HTR1F: variants seen among roughly 807,000 people sequenced by gnomAD.
The protein encoded by HTR1F is 5-hydroxytryptamine receptor 1F, also known as 5-hydroxytryptamine (serotonin) receptor 1F, G protein-coupled.
In HTR1F, 17 loss-of-function variants were observed where a neutral mutation model predicts 24.0. The ratio of observed to expected loss-of-function variants is 0.71; its 90% confidence interval spans 0.48 to 1.06. The LOEUF (loss-of-function observed/expected upper bound fraction) is 1.06, where lower values mean the gene tolerates loss of function less well. Ranked by LOEUF, HTR1F falls within the 50% of genes least tolerant of loss-of-function variation. The probability of loss-of-function intolerance (pLI) is 0.00; values close to 1 mark genes in which losing one functional copy is unlikely to be tolerated. For synonymous variants in HTR1F, 186 were observed against 156.8 expected (o/e 1.19, Z -1.39); for missense variants, 391 against 427.8 (o/e 0.91, Z 0.76).
rs183029347 is a variant in HTR1F at position 87,895,225 on chromosome 3, A to G, written c.-43+73101A>G. Among the ~76,000 whole-genome samples the G allele has an allele frequency of 3.3e-5, 5 of 152,302 alleles. No homozygotes were observed. The East Asian group carries it at 9.6e-4, about 29-fold the overall frequency. ...ATCCCCTATCTCATGAATTCTTGTGAAAACTAGATGAAATAATATGTGTGT... is the reference window on the plus strand; with the variant it reads ...ATCCCCTATCTCATGAATTCTTGTGGAAACTAGATGAAATAATATGTGTGT... On this transcript the variant is annotated intron_variant, in intron 2 of 2. Transcript: ENST00000319595.
intron 1 of HTR1F, among the ~76,000 whole-genome samples, chr3:87,798,534 C>A (rs1282938819): frequency 6.6e-6 from 1 of 151,966 alleles, no homozygotes; most frequent in Admixed American, 6.6e-5. Context: ...ATGACCCTGA[C>A]CCCCCTCCAC....
At chr3:87,906,083 T>C (rs1703661581) in intron 2 of HTR1F, among the ~76,000 whole-genome samples, 1 of 151,990 alleles carries the variant, frequency 6.6e-6, no homozygotes. Context: ...TATTTTACAG[T>C]AAAAAGAGAA....
intron 2 of HTR1F, among the ~76,000 whole-genome samples, chr3:87,832,965 G>A (rs531854731): frequency 2.0e-5 from 3 of 152,164 alleles, no homozygotes; most frequent in Non-Finnish European, 4.4e-5. Flanking sequence ...CAGGACTTAC[G>A]TGTCTGGAAA....
chr3:87,796,981 A>G (rs764342634), intron 1 of HTR1F, among the ~76,000 whole-genome samples: 13 of 152,218 alleles, frequency 8.5e-5, no homozygotes, highest in African/African-American at 1.9e-4. Context: ...AATAATCTAT[A>G]TATAGTAGTC....
At chr3:87,880,623 C>A (rs1705770377) in intron 2 of HTR1F, among the ~76,000 whole-genome samples, 1 of 148,716 alleles carries the variant, frequency 6.7e-6, no homozygotes, top group Non-Finnish European at 1.5e-5. Context: ...AATTGTTCAG[C>A]TACAAAATGT....
chr3:87,983,101 A>C (rs117340920), intron 2 of HTR1F, among the ~76,000 whole-genome samples: 2 of 152,302 alleles, frequency 1.3e-5, no homozygotes, highest in East Asian at 3.9e-4. Flanking sequence ...CTAAGAAAGA[A>C]TAGGTCAGAC....
chr3:87,819,981 C>T (rs1453246060), intron 1 of HTR1F, among the ~76,000 whole-genome samples: 1 of 151,934 alleles, frequency 6.6e-6, no homozygotes, highest in Admixed American at 6.6e-5. Context: ...TAAGTTAATT[C>T]TTAATTTTAA....
intron 2 of HTR1F, among the ~76,000 whole-genome samples, chr3:87,870,809 C>A (rs770085384): frequency 2.2e-4 from 33 of 151,948 alleles, no homozygotes; most frequent in Non-Finnish European, 3.4e-4. Context: ...GAAAAAGGAC[C>A]AAACATACAT....
At chr3:87,986,627 C>A (rs750380515) in intron 2 of HTR1F, among the ~76,000 whole-genome samples, 1 of 152,098 alleles carries the variant, frequency 6.6e-6, no homozygotes, top group African/African-American at 2.4e-5. Context: ...ATTATGGAAA[C>A]CCACATAACT....
chr3:87,890,076 T>C (rs779118446), intron 2 of HTR1F, among the ~76,000 whole-genome samples: 7 of 152,240 alleles, frequency 4.6e-5, no homozygotes, highest in Non-Finnish European at 7.3e-5. Flanking sequence ...ACCTTGTATG[T>C]ACCCAGGTAA....
rs1559662598 is a variant in HTR1F at position 87,991,526 on chromosome 3, T to C, written c.777T>C (p.Asp259=). Residue 259 remains aspartate (D), a synonymous_variant, in exon 3 of 3, where the codon GAT becomes GAC. Transcript: ENST00000319595. The part of the protein sequence containing the change: ...KSLSDPSTDF[D]KIHSTVRSLR... ...TATCTGACCCATCAACAGACTTTGA[T>C]AAAATTCATAGCACAGTGAGAAGTC... The C allele has an allele frequency of 1.9e-6, 3 of 1,614,084 alleles. No homozygotes were observed. Among genetic ancestry groups the C allele is most frequent in the Admixed American group, 3.3e-5 (2 of 60,000 alleles).
intron 2 of HTR1F, among the ~76,000 whole-genome samples, chr3:87,922,174 T>A (rs975178054): frequency 6.6e-6 from 1 of 151,962 alleles, no homozygotes; most frequent in Non-Finnish European, 1.5e-5. Flanking sequence ...TTTCTCTCCA[T>A]CCTACTTAGA....
Position 87,955,595 on chromosome 3 carries a change from T to C in HTR1F, c.-42-35113T>C, listed in dbSNP as rs144018180. Among the ~76,000 whole-genome samples, 484 of 151,662 alleles carry C rather than the reference T, an allele frequency of 3.2e-3. 3 individuals are homozygous for C. The highest frequency in any genetic ancestry group is 0.01 in the Middle Eastern group (3 of 294). On this transcript the variant is annotated intron_variant, in intron 2 of 2. Coordinates refer to ENST00000319595, the MANE Select transcript of HTR1F (RefSeq NM_001322209.2). ...TGGGTCGTATTGTCAGCCATATTTGTTTAGCCTTTTTTTACAAATGCCAAA... is the reference window on the plus strand; with the variant it reads ...TGGGTCGTATTGTCAGCCATATTTGCTTAGCCTTTTTTTACAAATGCCAAA...
At chr3:87,849,736 T>C (rs1441909982) in intron 2 of HTR1F, among the ~76,000 whole-genome samples, 1 of 151,822 alleles carries the variant, frequency 6.6e-6, no homozygotes, top group African/African-American at 2.4e-5. Flanking sequence ...ATCCAGAATC[T>C]ACAATGAACT....
At chr3:87,939,512 T>A (rs1228673154) in intron 2 of HTR1F, among the ~76,000 whole-genome samples, 1 of 152,202 alleles carries the variant, frequency 6.6e-6, no homozygotes, top group African/African-American at 2.4e-5. Flanking sequence ...CTGGGCTTTT[T>A]TTGGTTGGTA....
chr3:87,871,568 C>T (rs1705557887), intron 2 of HTR1F, among the ~76,000 whole-genome samples: 1 of 151,866 alleles, frequency 6.6e-6, no homozygotes, highest in Non-Finnish European at 1.5e-5. Flanking sequence ...CTTAATGGTT[C>T]AAACTAGGGT....
chr3:87,916,499 A>G (rs1473434101), intron 2 of HTR1F, among the ~76,000 whole-genome samples: 1 of 152,054 alleles, frequency 6.6e-6, no homozygotes, highest in Non-Finnish European at 1.5e-5. Flanking sequence ...CCTAACACAT[A>G]AAGACTCACA....
chr3:87,864,594 C>T (rs957862494), intron 2 of HTR1F, among the ~76,000 whole-genome samples: 2 of 151,926 alleles, frequency 1.3e-5, no homozygotes, highest in African/African-American at 4.8e-5. Context: ...TGCCTGTCAT[C>T]AGTTGAAAAG....
intron 2 of HTR1F, among the ~76,000 whole-genome samples, chr3:87,840,337 C>T (rs1430988546): frequency 6.6e-6 from 1 of 152,092 alleles, no homozygotes; most frequent in Non-Finnish European, 1.5e-5. Flanking sequence ...AAATGCTCAA[C>T]TGCAATTATC....
Sources: allele counts gnomAD v4.1 joint callset (sites outside exome capture counted in the v4.1 genomes callset), GRCh38; gene constraint gnomAD v4.1.1; transcripts MANE v1.5; gene names NCBI Gene and HGNC (gene_info 2026-07-23, HGNC 2026-07-21).